The following IL3 variants were observed in gnomAD, a reference collection of about 807,000 sequenced individuals.
IL3 encodes the protein interleukin 3, also known as interleukin-3.
In IL3, 15 loss-of-function variants were observed where a neutral mutation model predicts 15.4. The ratio of observed to expected loss-of-function variants is 0.97; its 90% CI spans 0.65 to 1.50. IL3 has a LOEUF of 1.50. Among genes scored for constraint, IL3 ranks in the 40% most tolerant of loss-of-function variants. The probability of loss-of-function intolerance (pLI) is 0.00; values close to 1 mark genes in which losing one functional copy is unlikely to be tolerated. For missense variants in IL3, 162 were observed against 192.2 expected (o/e 0.84, Z 0.93); for synonymous variants, 74 against 79.3 (o/e 0.93, Z 0.36).
At chr5:132,061,341 C>T (rs571260544) in intron 2 of IL3, among the ~76,000 whole-genome samples, 1 of 152,340 alleles carries the variant, frequency 6.6e-6, no homozygotes, top group East Asian at 1.9e-4. Context: ...ACAGAAATTT[C>T]CCCCTCAGAT....
Position 132,062,695 on chromosome 5 carries a change from T to A in IL3, c.363T>A (p.Gly121=). 6.2e-7 allele frequency: 1 copy of A among 1,614,202 alleles called. No homozygotes were observed. The highest frequency in any genetic ancestry group is 1.1e-5 in the South Asian group (1 of 91,088). ...GACATCCAATCCATATCAAGGACGG[T>A]GACTGGAATGAATTCCGGAGGAAAC... is the stretch of plus-strand genomic sequence containing the variant. ...PTRHPIHIKD[G]DWNEFRRKLT... Residue 121 remains glycine, a synonymous_variant, in exon 5 of 5, where the codon GGT becomes GGA. Transcript: ENST00000296870.
chr5:132,060,698 G>A lies in IL3; in HGVS notation c.-9G>A, dbSNP rs375720894. 55 of 1,612,382 alleles carry A rather than the reference G, an allele frequency of 3.4e-5. No homozygotes were observed. Among genetic ancestry groups the A allele is most frequent in the Admixed American group, 1.7e-4 (10 of 59,992 alleles). On this transcript the variant is annotated 5_prime_UTR_variant, in exon 1 of 5. Coordinates refer to ENST00000296870, the MANE Select transcript of IL3 (RefSeq NM_000588.4). ...AGAACAAGACAGAGTGCCTCCTGCC[G>A]ATCCAAACATGAGCCGCCTGCCCGT...
Position 132,062,374 on chromosome 5 carries a change from C to T in IL3, c.267C>T (p.Asn89=), listed in dbSNP as rs200801663. 4.3e-5 allele frequency: 69 copies of T among 1,614,156 alleles called. No individual in the cohort carries two copies. The highest frequency in any genetic ancestry group is 1.7e-4 in the African/African-American group (13 of 75,054). Residue 89 remains asparagine, a synonymous_variant, in exon 3 of 5, where the codon AAC becomes AAT. Coordinates refer to ENST00000296870, the MANE Select transcript of IL3 (RefSeq NM_000588.4). ...ACAGGGCTGTCAAGAGTTTACAGAA[C>T]GCATCAGCAATTGAGAGCATTCTTA... ...AFNRAVKSLQ[N]ASAIESILKN...
Position 132,062,856 on chromosome 5 carries a change from G to A in IL3, c.*65G>A. 1.3e-6 allele frequency: 2 copies of A among 1,554,820 alleles called. No homozygotes were observed. Among genetic ancestry groups the A allele is most frequent in the Non-Finnish European group, 1.7e-6 (2 of 1,151,190 alleles). On this transcript the variant is annotated 3_prime_UTR_variant, in exon 5 of 5. Transcript: ENST00000296870. ...GAGCCTCGGGACATCAAAAACAGCA[G>A]AACTTCTGAAACCTCTGGGTCATCT...
Position 132,062,412 on chromosome 5 carries a change from C to G in IL3, c.294+11C>G. ...GAGAGCATTCTTAAAGTATGTGAAG[C>G]TGTTGAGGGTTTGGGATCCCTGTGT... On this transcript the variant is annotated intron_variant, in intron 3 of 4. Coordinates refer to ENST00000296870, the MANE Select transcript of IL3 (RefSeq NM_000588.4). The G allele has an allele frequency of 2.5e-6, 4 of 1,613,204 alleles. No homozygotes were observed. The highest frequency in any genetic ancestry group is 3.4e-6 in the Non-Finnish European group (4 of 1,179,128).
Position 132,062,556 on chromosome 5 carries a change from G to A in IL3, c.325G>A (p.Ala109Thr). ...CCTGCCATGTCTGCCCCTGGCCACGGCCGCACCCACGGTAAGCTGTCCCCC... is the reference window on the plus strand; with the variant it reads ...CCTGCCATGTCTGCCCCTGGCCACGACCGCACCCACGGTAAGCTGTCCCCC... Reference protein sequence around the residue: ...NLLPCLPLATAAPTRHPIHIK... With the variant: ...NLLPCLPLATTAPTRHPIHIK... Residue 109 changes from alanine to threonine, a missense_variant, in exon 4 of 5, where the codon GCC (alanine) becomes ACC (threonine). By Grantham distance (58) the Ala-to-Thr change is moderately conservative (BLOSUM62 0). Transcript: ENST00000296870. The A allele has an allele frequency of 2.5e-6, 4 of 1,614,126 alleles. No individual in the cohort carries two copies. Among genetic ancestry groups the A allele is most frequent in the Non-Finnish European group, 3.4e-6 (4 of 1,180,016 alleles).
chr5:132,061,390 T>G (rs894033831), intron 2 of IL3, among the ~76,000 whole-genome samples: 1 of 152,188 alleles, frequency 6.6e-6, no homozygotes, highest in African/African-American at 2.4e-5. Flanking sequence ...TGAGTTTGTG[T>G]TTTCCACCCT....
Position 132,062,778 on chromosome 5 carries a change from T to C in IL3, c.446T>C (p.Leu149Pro), listed in dbSNP as rs146826411. Residue 149 changes from leucine to proline, a missense_variant, in exon 5 of 5, where the codon CTC becomes CCC. Coordinates refer to ENST00000296870, the MANE Select transcript of IL3 (RefSeq NM_000588.4). ...CAGGCTCAACAGACGACTTTGAGCC[T>C]CGCGATCTTTTGAGTCCAACGTCCA... Reference protein sequence around the residue: ...NAQAQQTTLSLAIF With the variant: ...NAQAQQTTLSPAIF 51 of 1,613,560 alleles carry C rather than the reference T, an allele frequency of 3.2e-5. No individual in the cohort carries two copies. The African/African-American group carries it at 6.4e-4, about 20-fold the overall frequency.
chr5:132,060,751 C>G lies in IL3; in HGVS notation c.45C>G (p.Arg15=). 1 of 1,613,862 alleles carries G rather than the reference C, an allele frequency of 6.2e-7. No individual in the cohort carries two copies. Among genetic ancestry groups the G allele is most frequent in the Non-Finnish European group, 8.5e-7 (1 of 1,179,972 alleles). ...TGCTCCTGCTCCAACTCCTGGTCCGCCCCGGACTCCAAGCTCCCATGACCC... is the reference window on the plus strand; with the variant it reads ...TGCTCCTGCTCCAACTCCTGGTCCGGCCCGGACTCCAAGCTCCCATGACCC... ...PVLLLLQLLV[R]PGLQAPMTQT... Residue 15 remains arginine (R), a synonymous_variant, in exon 1 of 5, where the codon CGC becomes CGG. Coordinates refer to ENST00000296870, the MANE Select transcript of IL3 (RefSeq NM_000588.4).
At chr5:132,062,163 G>T in intron 2 of IL3, 149 bp from the exon 3 acceptor site, 1 of 713,400 alleles carries the variant, frequency 1.4e-6, no homozygotes, top group Non-Finnish European at 2.5e-6. Context: ...CCTTGGGCAG[G>T]GACCCACCTG....
rs767945944 is a variant in IL3, at chr5:132,060,830, A to G, written c.124A>G (p.Ile42Val). ...WVNCSNMIDE[I>V]ITHLKQPPLP... ...TAACTGCTCTAACATGATCGATGAA[A>G]TTATAACACACTTAAAGCAGCCACC... is the stretch of plus-strand genomic sequence containing the variant. The change falls in exon 1 of 5, where the codon ATT (isoleucine) becomes GTT (valine). Residue 42 changes from isoleucine (I) to valine (V), a missense_variant. By Grantham distance (29) the Ile-to-Val change is conservative. Coordinates refer to ENST00000296870, the MANE Select transcript of IL3 (RefSeq NM_000588.4). 6.2e-7 allele frequency: 1 copy of G among 1,614,236 alleles called. No homozygotes were observed. Among genetic ancestry groups the G allele is most frequent in the Non-Finnish European group, 8.5e-7 (1 of 1,180,036 alleles).
Position 132,062,417 on chromosome 5 carries a change from G to A in IL3, c.294+16G>A. 6.2e-7 allele frequency: 1 copy of A among 1,613,276 alleles called. No homozygotes were observed. The highest frequency in any genetic ancestry group is 8.5e-7 in the Non-Finnish European group (1 of 1,179,190). On this transcript the variant is annotated intron_variant, in intron 3 of 4. Transcript: ENST00000296870. ...CATTCTTAAAGTATGTGAAGCTGTT[G>A]AGGGTTTGGGATCCCTGTGTTGGCC...
rs776349155 is a variant in IL3 at position 132,062,595 on chromosome 5, T to C, written c.336+28T>C. The C allele has an allele frequency of 3.7e-6, 6 of 1,613,764 alleles. No homozygotes were observed. The African/African-American group carries it at 8.0e-5, about 22-fold the overall frequency. On this transcript the variant is annotated intron_variant, in intron 4 of 4. Coordinates refer to ENST00000296870, the MANE Select transcript of IL3 (RefSeq NM_000588.4). ...AAGCTGTCCCCCAAGATGCCCGTCA[T>C]GGCTTGCTCCTCAGCTGGTCATCAC...
intron 2 of IL3, 50 bp downstream of exon 2, chr5:132,061,058 C>G: frequency 2.6e-6 from 4 of 1,559,142 alleles, no homozygotes; most frequent in Non-Finnish European, 3.5e-6. Context: ...TGGGTGACTT[C>G]AGCCATGTCA....
Position 132,060,670 on chromosome 5 carries a change from A to G in IL3, c.-37A>G. The G allele has an allele frequency of 6.2e-7, 1 of 1,610,462 alleles. No homozygotes were observed. Among genetic ancestry groups the G allele is most frequent in the Non-Finnish European group, 8.5e-7 (1 of 1,179,258 alleles). On this transcript the variant is annotated 5_prime_UTR_variant, in exon 1 of 5. Transcript: ENST00000296870. The stretch of plus-strand genomic sequence containing the variant: ...CCAACTCTTCAGAGCCCCACGAAGG[A>G]CCAGAACAAGACAGAGTGCCTCCTG...
chr5:132,061,044 T>A, intron 2 of IL3, 36 bp downstream of exon 2: 1 of 1,605,666 alleles, frequency 6.2e-7, no homozygotes, highest in Non-Finnish European at 8.5e-7. Flanking sequence ...ATCCACTTCC[T>A]GCCTGGGTGA....
intron 3 of IL3, 29 bp from the exon 4 acceptor site, chr5:132,062,497 T>C: frequency 6.2e-7 from 1 of 1,614,170 alleles, no homozygotes. Context: ...AGGGAATCTC[T>C]GACCATCTGC....
chr5:132,062,058 A>G (rs1200622305), intron 2 of IL3, among the ~76,000 whole-genome samples: 1 of 152,178 alleles, frequency 6.6e-6, no homozygotes, highest in Non-Finnish European at 1.5e-5. Context: ...CACTGCGCCC[A>G]GCCCACCTAG....
At position 132,060,888 on chromosome 5, in the gene IL3, C is replaced by T; in HGVS notation, c.162+20C>T. On this transcript the variant is annotated intron_variant, in intron 1 of 4. Transcript: ENST00000296870. ...TTGCTGGTGAGTAGCTTGGATAAGACTGGCCTGCAGCAGTGAGGGGTGGTG... is the reference window on the plus strand; with the variant it reads ...TTGCTGGTGAGTAGCTTGGATAAGATTGGCCTGCAGCAGTGAGGGGTGGTG... The T allele has an allele frequency of 1.9e-6, 3 of 1,612,092 alleles. No homozygotes were observed. Among genetic ancestry groups the T allele is most frequent in the Non-Finnish European group, 2.5e-6 (3 of 1,178,084 alleles).
Sources: allele counts gnomAD v4.1 joint callset (sites outside exome capture counted in the v4.1 genomes callset), GRCh38; gene constraint gnomAD v4.1.1; transcripts MANE v1.5; gene names NCBI Gene and HGNC (gene_info 2026-07-23, HGNC 2026-07-21).